EHBP1: variants seen among roughly 807,000 people sequenced by gnomAD.
EHBP1 encodes the protein EH domain binding protein 1.
A neutral mutation model predicts 144.0 loss-of-function variants in EHBP1; 55 were observed. That is an observed-to-expected ratio of 0.38 (90% CI 0.31 to 0.48). EHBP1 has a LOEUF of 0.48. EHBP1 is among the 20% of genes least tolerant of loss of function. The probability of loss-of-function intolerance (pLI) is 0.98; values close to 1 mark genes in which losing one functional copy is unlikely to be tolerated. For synonymous variants in EHBP1, 469 were observed against 472.7 expected, an observed-to-expected ratio of 0.99 and a Z score of 0.10; for missense variants, 1,200 against 1,364.2, an observed-to-expected ratio of 0.88 and a Z score of 1.90.
chr2:62,866,006 C>T (rs1436675890), intron 9 of EHBP1, among the ~76,000 whole-genome samples: 5 of 152,192 alleles, frequency 3.3e-5, no homozygotes. Context: ...TCAGAGCTTG[C>T]GTGTGAGGAA....
chr2:62,904,820 C>T (rs1258415628), intron 10 of EHBP1, among the ~76,000 whole-genome samples: 1 of 152,088 alleles, frequency 6.6e-6, no homozygotes, highest in East Asian at 1.9e-4. Context: ...CTCTCTCTGC[C>T]ACCCTAAATT....
At chr2:62,967,764 A>G (rs2058312361) in intron 14 of EHBP1, among the ~76,000 whole-genome samples, 1 of 152,222 alleles carries the variant, frequency 6.6e-6, no homozygotes, top group Admixed American at 6.5e-5. Flanking sequence ...ATAGTTAACT[A>G]AGAATAGAAC....
chr2:62,748,906 T>G (rs1333205705), intron 3 of EHBP1, among the ~76,000 whole-genome samples: 1 of 152,176 alleles, frequency 6.6e-6, no homozygotes, highest in Non-Finnish European at 1.5e-5. Flanking sequence ...AATTTTATAA[T>G]TCAGTAAGAT....
chr2:62,790,291 T>C (rs1558674443), intron 5 of EHBP1, among the ~76,000 whole-genome samples: 1 of 152,178 alleles, frequency 6.6e-6, no homozygotes, highest in African/African-American at 2.4e-5. Flanking sequence ...CAAAGGTTTT[T>C]TGTTGTTTGT....
chr2:62,682,170 G>A (rs1240062909), intron 1 of EHBP1, among the ~76,000 whole-genome samples: 1 of 152,246 alleles, frequency 6.6e-6, no homozygotes, highest in African/African-American at 2.4e-5. Context: ...TGCCTACATT[G>A]TCAGGGAAAT....
intron 1 of EHBP1, among the ~76,000 whole-genome samples, chr2:62,695,583 G>C (rs2034057123): frequency 6.6e-6 from 1 of 152,148 alleles, no homozygotes; most frequent in African/African-American, 2.4e-5. Context: ...TTGTCAATTG[G>C]ATATGATTTA....
intron 7 of EHBP1, among the ~76,000 whole-genome samples, chr2:62,835,721 AAG>A (rs917283391): frequency 6.6e-6 from 1 of 152,170 alleles, no homozygotes; most frequent in Non-Finnish European, 1.5e-5. Context: ...GAGTCAAAGA[AAG>A]GGGTGACGGA....
At chr2:62,780,932 T>C (rs1433203642) in intron 5 of EHBP1, among the ~76,000 whole-genome samples, 5 of 152,202 alleles carry the variant, frequency 3.3e-5, no homozygotes, top group African/African-American at 9.6e-5. Context: ...TTTATTGACA[T>C]TGATCATACA....
chr2:63,027,100 A>G (rs1387858541), intron 19 of EHBP1, among the ~76,000 whole-genome samples: 4 of 152,206 alleles, frequency 2.6e-5, no homozygotes, highest in African/African-American at 9.6e-5. Context: ...GTGGCTCACA[A>G]GACAAACTGG....
intron 10 of EHBP1, 127 bp from the exon 11 acceptor site, chr2:62,942,591 G>T: frequency 1.4e-6 from 1 of 722,398 alleles, no homozygotes. Flanking sequence ...CAGTTGTCGT[G>T]AATTGACAGT....
chr2:63,016,525 G>T (rs2060491483), intron 19 of EHBP1, among the ~76,000 whole-genome samples: 1 of 151,934 alleles, frequency 6.6e-6, no homozygotes, highest in South Asian at 2.1e-4. Flanking sequence ...CTGCCTCCCA[G>T]GTTCAAGTGA....
At chr2:62,920,828 A>G (rs2055018837) in intron 10 of EHBP1, among the ~76,000 whole-genome samples, 1 of 151,600 alleles carries the variant, frequency 6.6e-6, no homozygotes. Flanking sequence ...ATGCCTGGCT[A>G]ATTTTTGTGG....
At chr2:62,674,219 A>C (rs2033204153) in intron 1 of EHBP1, 1 of 441,878 alleles carries the variant, frequency 2.3e-6, no homozygotes. Flanking sequence ...TGTGTGTAAA[A>C]GCTACTTAAT....
At position 62,854,670 on chromosome 2, in the gene EHBP1, A is replaced by G. The variant is rs575868047; in HGVS notation, c.635-4499A>G. Among the ~76,000 whole-genome samples the G allele has an allele frequency of 1.7e-4, 26 of 152,346 alleles. No individual in the cohort carries two copies. In the South Asian group the frequency reaches 5.4e-3, roughly 32 times the overall value. ...ATGGGTGTGGTGCATTGCAGCCCAGAACAATTTAAGTAGTAACAGCAAAGA... is the reference window on the plus strand; with the variant it reads ...ATGGGTGTGGTGCATTGCAGCCCAGGACAATTTAAGTAGTAACAGCAAAGA... On this transcript the variant is annotated intron_variant, in intron 7 of 22. Transcript: ENST00000431489.
In EHBP1 at chr2:62,863,908, G is replaced by A. The variant is rs147535366; in HGVS notation, c.758-823G>A. 3.0e-4 allele frequency among the ~76,000 whole-genome samples: 39 copies of A among 131,704 alleles called. No homozygotes were observed. The Middle Eastern group carries it at 0.014, about 47-fold the overall frequency. The allele number at this position is 131,704 out of a possible 152,430, so 86.4% of individuals were successfully genotyped here. On this transcript the variant is annotated intron_variant, in intron 8 of 22. Coordinates refer to ENST00000431489, the MANE Select transcript of EHBP1 (RefSeq NM_001142616.3). ...GTTGCCCAGACTATAGTTCAGTGGC[G>A]CAGTCTCAGCTCACTGTAATCTCTG...
intron 2 of EHBP1, among the ~76,000 whole-genome samples, chr2:62,714,987 C>G (rs903416556): frequency 2.0e-5 from 3 of 152,148 alleles, no homozygotes; most frequent in Admixed American, 6.6e-5. Context: ...TAATTTCAAG[C>G]AAATGTTGGG....
At chr2:62,692,272 T>C (rs2033933244) in intron 1 of EHBP1, among the ~76,000 whole-genome samples, 1 of 152,250 alleles carries the variant, frequency 6.6e-6, no homozygotes, top group Non-Finnish European at 1.5e-5. Flanking sequence ...TGTTTATCCA[T>C]TCATGAGCTG....
At chr2:62,714,272 C>T (rs1018699458) in intron 2 of EHBP1, among the ~76,000 whole-genome samples, 1 of 152,098 alleles carries the variant, frequency 6.6e-6, no homozygotes, top group Non-Finnish European at 1.5e-5. Flanking sequence ...TGCTTTAAGT[C>T]GTGGGAGTTA....
chr2:62,674,167 A>G, intron 1 of EHBP1: 1 of 470,918 alleles, frequency 2.1e-6, no homozygotes, highest in South Asian at 1.5e-5. Flanking sequence ...TTACTAGCAA[A>G]TGGTCCTTGA....
Sources: gnomAD v4.1 joint callset for allele counts (sites outside exome capture counted in the v4.1 genomes callset) on GRCh38, gnomAD v4.1.1 for gene constraint, MANE v1.5 for transcripts, NCBI Gene and HGNC (gene_info 2026-07-23, HGNC 2026-07-21) for gene names.